Variants in GRM3 observed in about 807,000 individuals in gnomAD.
GRM3 encodes the protein glutamate metabotropic receptor 3.
GRM3 carries 26 observed loss-of-function variants against 70.5 expected under a neutral mutation model. The observed-to-expected ratio is 0.37, with a 90% CI of 0.27 to 0.51. The LOEUF is 0.51. GRM3 is among the 20% of genes least tolerant of loss of function. GRM3 has a pLI of 0.93. For synonymous variants in GRM3, 443 were observed against 434.9 expected (o/e 1.02, Z -0.23); for missense variants, 859 against 1,123.8 (o/e 0.76, Z 3.37).
chr7:86,806,022 G>C (rs1349615009), intron 3 of GRM3, among the ~76,000 whole-genome samples: 1 of 151,878 alleles, frequency 6.6e-6, no homozygotes, highest in Admixed American at 6.6e-5. Flanking sequence ...CCTTGTGATA[G>C]TTTGCTCAGA....
chr7:86,751,933 T>G (rs1206557679), intron 1 of GRM3, among the ~76,000 whole-genome samples: 1 of 152,178 alleles, frequency 6.6e-6, no homozygotes, highest in Non-Finnish European at 1.5e-5. Flanking sequence ...CTATTTGTTA[T>G]ATACTGTCAT....
In GRM3 at chr7:86,786,095, T is replaced by C. The variant is rs948216239; in HGVS notation, c.469-166T>C. The C allele has an allele frequency of 7.4e-6, 5 of 673,570 alleles. No homozygotes were observed. The highest frequency in any genetic ancestry group is 1.3e-5 in the Non-Finnish European group (5 of 382,216). The allele number at this position is 673,570 out of a possible 1,614,324, so 41.7% of individuals were successfully genotyped here. A position where few individuals can be genotyped will look rare whatever the true frequency, so the allele number is the denominator to read the frequency against. On this transcript the variant is annotated intron_variant, in intron 2 of 5. Transcript: ENST00000361669. This position sits in a 1 kb window ranked among gnomAD's most constrained non-coding sequence, Gnocchi z 6.0. The stretch of plus-strand genomic sequence containing the variant: ...GCTTCCTAGTGTCCAAAATACAGTA[T>C]CCAAGGAAGCATCTGGTATTCATCT...
chr7:86,837,329 A>G (rs1798476058), intron 3 of GRM3, among the ~76,000 whole-genome samples: 1 of 152,120 alleles, frequency 6.6e-6, no homozygotes, highest in Non-Finnish European at 1.5e-5. Flanking sequence ...AGTTTTCCCT[A>G]AACAGTGTTT....
At chr7:86,659,254 C>T (rs776109725) in intron 1 of GRM3, among the ~76,000 whole-genome samples, 2 of 152,110 alleles carry the variant, frequency 1.3e-5, no homozygotes, top group Admixed American at 6.5e-5. Context: ...TAACACACAT[C>T]CTCTACACCA....
intron 1 of GRM3, among the ~76,000 whole-genome samples, chr7:86,706,368 AC>A (rs1230418769): frequency 1.3e-5 from 2 of 152,086 alleles, no homozygotes; most frequent in Non-Finnish European, 1.5e-5. Context: ...TTCAGCAGAG[AC>A]CAGGGTCTCA....
intron 1 of GRM3, among the ~76,000 whole-genome samples, chr7:86,735,761 T>G (rs962485399): frequency 3.3e-5 from 5 of 152,204 alleles, no homozygotes; most frequent in Non-Finnish European, 7.3e-5. Flanking sequence ...AAAAGAAGTC[T>G]TTCATAATGG....
intron 1 of GRM3, among the ~76,000 whole-genome samples, chr7:86,683,362 G>T (rs1374378297): frequency 6.6e-6 from 1 of 152,162 alleles, no homozygotes; most frequent in Non-Finnish European, 1.5e-5. Context: ...GAGACATGCT[G>T]ACATTAGAGT....
chr7:86,841,951 TGATGCTAA>T (rs917720160), intron 4 of GRM3, among the ~76,000 whole-genome samples: 2 of 152,182 alleles, frequency 1.3e-5, no homozygotes, highest in Admixed American at 6.5e-5. Context: ...AGGTATCCAG[TGATGCTAA>T]GATCATTTAA....
chr7:86,726,156 T>A (rs530614877), intron 1 of GRM3, among the ~76,000 whole-genome samples: 4 of 152,184 alleles, frequency 2.6e-5, no homozygotes, highest in Non-Finnish European at 5.9e-5. Context: ...TTTTTACTAA[T>A]TGCATTTCTG....
chr7:86,666,372 T>C (rs11978530), intron 1 of GRM3, among the ~76,000 whole-genome samples: 3,609 of 152,168 alleles, frequency 0.024, 153 homozygotes, highest in African/African-American at 0.082. Context: ...CTACAAACCA[T>C]CACCTTTTTC....
intron 1 of GRM3, among the ~76,000 whole-genome samples, chr7:86,720,499 A>T (rs1795431713): frequency 6.6e-6 from 1 of 152,102 alleles, no homozygotes; most frequent in African/African-American, 2.4e-5. Context: ...TGTAAAACAC[A>T]TTTACATACA....
intron 1 of GRM3, among the ~76,000 whole-genome samples, chr7:86,669,007 G>A (rs1794103858): frequency 2.0e-5 from 3 of 152,112 alleles, no homozygotes; most frequent in Admixed American, 6.6e-5. Flanking sequence ...GAAAGTTCCT[G>A]TCTTACTATC....
intron 3 of GRM3, among the ~76,000 whole-genome samples, chr7:86,788,160 C>A (rs1328386395): frequency 2.0e-5 from 3 of 152,206 alleles, no homozygotes; most frequent in African/African-American, 7.2e-5. Context: ...TCTGCTTCCA[C>A]AGAAGTATCA....
At chr7:86,782,837 T>C (rs899499466) in intron 2 of GRM3, among the ~76,000 whole-genome samples, 8 of 152,198 alleles carry the variant, frequency 5.3e-5, no homozygotes, top group African/African-American at 1.9e-4. Flanking sequence ...TTTAGAGTCT[T>C]AATTTATGTG....
At chr7:86,855,443 G>T (rs1278931431) in intron 5 of GRM3, among the ~76,000 whole-genome samples, 3 of 152,144 alleles carry the variant, frequency 2.0e-5, no homozygotes, top group Non-Finnish European at 4.4e-5. Flanking sequence ...CATGGTAATT[G>T]TTCAGATGTA....
rs762446146 is a variant in GRM3 at position 86,864,309 on chromosome 7, T to C, written c.2594T>C (p.Val865Ala). 13 of 1,603,972 alleles carry C rather than the reference T, an allele frequency of 8.1e-6. 1 individual carries two copies. Among genetic ancestry groups the C allele is most frequent in the Non-Finnish European group, 1.1e-5 (13 of 1,170,916 alleles). Residue 865 changes from valine (V) to alanine (A), a missense_variant, in exon 6 of 6, where the codon GTG becomes GCG. By Grantham distance (64) the Val-to-Ala change is moderately conservative. Transcript: ENST00000361669. ...TCTGCAAGCACGTATGTGCCAACGG[T>C]GTGCAATGGGCGGGAAGTCCTCGAC... Reference protein sequence around the residue: ...QSSASTYVPTVCNGREVLDST... With the variant: ...QSSASTYVPTACNGREVLDST...
intron 1 of GRM3, among the ~76,000 whole-genome samples, chr7:86,746,340 A>ATTTT (rs72305461): frequency 1.7e-4 from 14 of 81,784 alleles, no homozygotes; most frequent in African/African-American, 3.1e-4. Context: ...TCAGTCATGT[A>ATTTT]TTATATATAT....
At chr7:86,745,646 T>G (rs1402156159) in intron 1 of GRM3, among the ~76,000 whole-genome samples, 1 of 152,112 alleles carries the variant, frequency 6.6e-6, no homozygotes, top group Admixed American at 6.6e-5. Context: ...TTTGGGCTTT[T>G]GGAGTGGAAA....
chr7:86,749,624 C>T (rs1796184185), intron 1 of GRM3, among the ~76,000 whole-genome samples: 3 of 151,924 alleles, frequency 2.0e-5, no homozygotes, highest in African/African-American at 7.3e-5. Flanking sequence ...AGTGTCGTGA[C>T]CTAGAAGAAA....
Sources: gnomAD v4.1 joint callset for allele counts (sites outside exome capture counted in the v4.1 genomes callset) on GRCh38, gnomAD v4.1.1 for gene constraint, Gnocchi (gnomAD v3.1) non-coding constraint, MANE v1.5 for transcripts, NCBI Gene and HGNC (gene_info 2026-07-23, HGNC 2026-07-21) for gene names.